The following CYTH3 variants were observed in gnomAD, a reference collection of about 807,000 sequenced individuals.
CYTH3 encodes cytohesin 3.
Under a neutral mutation model 55.1 loss-of-function variants are expected in CYTH3, and 23 were observed. That is an observed-to-expected ratio of 0.42 (90% CI 0.30 to 0.59). CYTH3 has a LOEUF of 0.59. Ranked by LOEUF, CYTH3 falls within the 20% of genes least tolerant of loss-of-function variation. The probability of loss-of-function intolerance (pLI) is 0.20; values close to 1 mark genes in which losing one functional copy is unlikely to be tolerated. For missense variants in CYTH3, 413 were observed against 524.8 expected (o/e 0.79, Z 2.08); for synonymous variants, 249 against 194.9 (o/e 1.28, Z -2.31).
rs1039673873 is a variant in CYTH3, at chr7:6,167,700, TATCTG to T, written c.824-1895_824-1891del. 2.6e-5 allele frequency among the ~76,000 whole-genome samples: 4 copies of T among 152,248 alleles called. No homozygotes were observed. Among genetic ancestry groups the T allele is most frequent in the African/African-American group, 9.6e-5 (4 of 41,462 alleles). ...GCTGTGGCCTTTCTCCCTGCCCTGT[TATCTG>T]AGTCTCCAGTTCTTGGGGAGCTCAT... On this transcript the variant is annotated intron_variant, in intron 9 of 12. Transcript: ENST00000350796. The surrounding 1 kb of genome is among the most constrained non-coding windows in gnomAD (Gnocchi z 5.5).
At chr7:6,192,209 C>G (rs559318996) in intron 1 of CYTH3, among the ~76,000 whole-genome samples, 2 of 152,178 alleles carry the variant, frequency 1.3e-5, no homozygotes, top group Non-Finnish European at 2.9e-5. Flanking sequence ...GTAACTCCTA[C>G]AAATTATATT....
chr7:6,169,618 G>A lies in CYTH3; in HGVS notation c.823+917C>T, dbSNP rs1038163201. Among the ~76,000 whole-genome samples the A allele has an allele frequency of 9.2e-5, 14 of 152,236 alleles. No homozygotes were observed. The highest frequency in any genetic ancestry group is 3.1e-4 in the African/African-American group (13 of 41,538). ...TGCGTGAACCCAGCTACCGCATCTC[G>A]CCCGCTTCACTGTGGGCATAAGGCA... is the stretch of plus-strand genomic sequence containing the variant. On this transcript the variant is annotated intron_variant, in intron 9 of 12. Transcript: ENST00000350796. This position sits in a 1 kb window ranked among gnomAD's most constrained non-coding sequence, Gnocchi z 4.1.
intron 1 of CYTH3, among the ~76,000 whole-genome samples, chr7:6,248,794 G>A (rs1229452875): frequency 1.3e-5 from 2 of 152,174 alleles, no homozygotes; most frequent in African/African-American, 4.8e-5. Flanking sequence ...GTCAGGCCCT[G>A]GTATTTCTTC....
rs889759157 is a variant in CYTH3 at position 6,161,924 on chromosome 7, AT to A, written c.*3019del. The A allele has an allele frequency of 1.3e-5, 2 of 152,620 alleles. No individual in the cohort carries two copies. Among genetic ancestry groups the A allele is most frequent in the Admixed American group, 6.5e-5 (1 of 15,276 alleles). 9.5% of individuals were successfully genotyped at this position (152,620 alleles called of 1,614,324 possible). ...TGCGAGCTGTGGGAGTATATACATC[AT>A]TGAATAACAGACACTCCAGAAATCA... On this transcript the variant is annotated 3_prime_UTR_variant, in exon 13 of 13. Transcript: ENST00000350796.
chr7:6,206,905 T>A (rs1330926382), intron 1 of CYTH3, among the ~76,000 whole-genome samples: 2 of 152,094 alleles, frequency 1.3e-5, no homozygotes, highest in African/African-American at 4.8e-5. Context: ...GGGAGACGAT[T>A]TTTTTCGTTT....
At chr7:6,255,269 A>G (rs955044350) in intron 1 of CYTH3, among the ~76,000 whole-genome samples, 6 of 152,270 alleles carry the variant, frequency 3.9e-5, no homozygotes, top group Non-Finnish European at 8.8e-5. Flanking sequence ...ATGTTTAAAC[A>G]AACTTATGTA....
chr7:6,173,061 A>T (rs1243425534), intron 6 of CYTH3: 4 of 1,073,420 alleles, frequency 3.7e-6, no homozygotes, highest in Non-Finnish European at 3.4e-6. Context: ...TCTCCCCCGG[A>T]TGCTGCTGAG....
At chr7:6,245,853 G>C (rs1055980231) in intron 1 of CYTH3, among the ~76,000 whole-genome samples, 1 of 152,198 alleles carries the variant, frequency 6.6e-6, no homozygotes, top group Non-Finnish European at 1.5e-5. Flanking sequence ...GCAATGAGCC[G>C]AGATCGTGCC....
At chr7:6,245,906 T>A (rs1272990287) in intron 1 of CYTH3, among the ~76,000 whole-genome samples, 1 of 151,862 alleles carries the variant, frequency 6.6e-6, no homozygotes, top group Non-Finnish European at 1.5e-5. Context: ...CTCTTTTTTA[T>A]TTTTTTTGAG....
intron 6 of CYTH3, chr7:6,172,980 T>C (rs904311107): frequency 1.1e-5 from 12 of 1,108,074 alleles, no homozygotes; most frequent in South Asian, 1.9e-5. Flanking sequence ...TTTGAGAAGA[T>C]GACGAGGTGC....
intron 4 of CYTH3, among the ~76,000 whole-genome samples, chr7:6,180,287 C>G (rs888420148): frequency 1.3e-5 from 2 of 152,206 alleles, no homozygotes; most frequent in African/African-American, 4.8e-5. Flanking sequence ...CAAGGCCTGC[C>G]CTAAAATTCA....
chr7:6,264,970 ACTT>A (rs1487256865), intron 1 of CYTH3, among the ~76,000 whole-genome samples: 1 of 152,202 alleles, frequency 6.6e-6, no homozygotes, highest in Non-Finnish European at 1.5e-5. Context: ...GTCAAGGAAG[ACTT>A]CTGTGATAAG....
At position 6,259,799 on chromosome 7, in the gene CYTH3, A is replaced by ATATATATATAT. The variant is rs1562417819; in HGVS notation, c.34+12664_34+12674dup. ...ATATATATATAATATATATATATAT[A>ATATATATATAT]TATATATATATATAATATATATATA... On this transcript the variant is annotated intron_variant, in intron 1 of 12. Transcript: ENST00000350796. Among the ~76,000 whole-genome samples, 186 of 24,930 alleles carry ATATATATATAT rather than the reference A, an allele frequency of 7.5e-3. 4 individuals carry two copies. Among genetic ancestry groups the ATATATATATAT allele is most frequent in the South Asian group, 0.016 (13 of 808 alleles). 16.4% of individuals were successfully genotyped at this position (24,930 alleles called of 152,430 possible). A position where few individuals can be genotyped will look rare whatever the true frequency, so the allele number is the denominator to read the frequency against.
chr7:6,191,638 C>G (rs73337211), intron 1 of CYTH3, among the ~76,000 whole-genome samples: 5,587 of 149,184 alleles, frequency 0.037, 376 homozygotes, highest in African/African-American at 0.13. Flanking sequence ...CTCTGTCACC[C>G]TGGCTGGAGT....
Position 6,167,341 on chromosome 7 carries a change from C to T in CYTH3, c.824-1531G>A, listed in dbSNP as rs949560683. Among the ~76,000 whole-genome samples, 1 of 152,192 alleles carries T rather than the reference C, an allele frequency of 6.6e-6. No homozygotes were observed. The highest frequency in any genetic ancestry group is 6.5e-5 in the Admixed American group (1 of 15,278). ...TGAGCAGTGAGAGGTGTTCTATGTC[C>T]CCGAGACCCTAGGGACAGGAGGACA... On this transcript the variant is annotated intron_variant, in intron 9 of 12. Coordinates refer to ENST00000350796, the MANE Select transcript of CYTH3 (RefSeq NM_004227.4). This position sits in a 1 kb window ranked among gnomAD's most constrained non-coding sequence, Gnocchi z 5.5.
chr7:6,252,558 T>C (rs1779999751), intron 1 of CYTH3, among the ~76,000 whole-genome samples: 2 of 152,290 alleles, frequency 1.3e-5, no homozygotes, highest in South Asian at 4.2e-4. Context: ...CACCCTGCCC[T>C]TTCCTTTATT....
intron 1 of CYTH3, among the ~76,000 whole-genome samples, chr7:6,195,503 G>A (rs927150747): frequency 3.3e-5 from 5 of 152,002 alleles, no homozygotes; most frequent in African/African-American, 9.7e-5. Context: ...CACCCAGGCT[G>A]GAGTACAATG....
intron 1 of CYTH3, among the ~76,000 whole-genome samples, chr7:6,259,757 T>TATTATATATATATAATATATATATATAA (rs1554255069): frequency 2.7e-5 from 1 of 37,464 alleles, no homozygotes; most frequent in Admixed American, 4.8e-4. Context: ...TATATATATA[T>TATTATATATATATAATATATATATATAA]TATATATATA....
chr7:6,179,395 T>C (rs1783419376), intron 4 of CYTH3, among the ~76,000 whole-genome samples: 1 of 152,116 alleles, frequency 6.6e-6, no homozygotes, highest in Admixed American at 6.5e-5. Flanking sequence ...ATTCTACAAC[T>C]GCGGCTTGTT....
Sources: gnomAD v4.1 joint callset for allele counts (sites outside exome capture counted in the v4.1 genomes callset) on GRCh38, gnomAD v4.1.1 for gene constraint, Gnocchi (gnomAD v3.1) non-coding constraint, MANE v1.5 for transcripts, NCBI Gene and HGNC (gene_info 2026-07-23, HGNC 2026-07-21) for gene names.